Variants in SMAP1 observed in about 807,000 individuals in gnomAD.
The protein encoded by SMAP1 is stromal membrane-associated protein 1.
In SMAP1, 24 loss-of-function variants were observed where a neutral mutation model predicts 58.5. The observed-to-expected ratio is 0.41, with a 90% CI of 0.30 to 0.58. The LOEUF (loss-of-function observed/expected upper bound fraction) is 0.58. Ranked by LOEUF, SMAP1 falls within the 20% of genes least tolerant of loss-of-function variation. The probability of loss-of-function intolerance (pLI) is 0.29; values close to 1 mark genes in which losing one functional copy is unlikely to be tolerated. For synonymous variants in SMAP1, 216 were observed against 196.6 expected (o/e 1.10, Z -0.82); for missense variants, 563 against 566.3 (o/e 0.99, Z 0.06).
At position 70,676,582 on chromosome 6, in the gene SMAP1, A is replaced by G. The variant is rs117325913; in HGVS notation, c.118+8441A>G. On this transcript the variant is annotated intron_variant, in intron 1 of 10. Transcript: ENST00000370455. ...TTTTTGTTGTAGAAATTTGTGATGT[A>G]AGAGATTGTTGTTGGGAAGACTGTC... Among the ~76,000 whole-genome samples the G allele has an allele frequency of 3.6e-4, 55 of 152,256 alleles. No individual in the cohort carries two copies. The East Asian group carries it at 0.01, about 28-fold the overall frequency.
Position 70,793,190 on chromosome 6 carries a change from A to G in SMAP1, c.495+1421A>G, listed in dbSNP as rs570647255. Among the ~76,000 whole-genome samples, 3 of 152,142 alleles carry G rather than the reference A, an allele frequency of 2.0e-5. No individual in the cohort carries two copies. In the South Asian group the frequency reaches 6.2e-4, roughly 32 times the overall value. On this transcript the variant is annotated intron_variant, in intron 5 of 10. Transcript: ENST00000370455. ...GCTGGGACTACAGGTGCGCACCACCATGCCCAGCTAATTTTTGTATTTTTA... is the reference window on the plus strand; with the variant it reads ...GCTGGGACTACAGGTGCGCACCACCGTGCCCAGCTAATTTTTGTATTTTTA...
intron 7 of SMAP1, among the ~76,000 whole-genome samples, chr6:70,841,824 C>T (rs1770818207): frequency 6.6e-6 from 1 of 152,108 alleles, no homozygotes; most frequent in Non-Finnish European, 1.5e-5. Context: ...AGTATATAAC[C>T]CATTTTATTA....
chr6:70,846,686 G>C (rs545138968), intron 7 of SMAP1, among the ~76,000 whole-genome samples: 4 of 152,264 alleles, frequency 2.6e-5, no homozygotes, highest in Admixed American at 6.5e-5. Flanking sequence ...CTTGTGCCAA[G>C]TACTATGCCT....
At chr6:70,738,769 G>A (rs1039846784) in intron 2 of SMAP1, among the ~76,000 whole-genome samples, 1 of 151,950 alleles carries the variant, frequency 6.6e-6, no homozygotes, top group African/African-American at 2.4e-5. Context: ...AATATTTTAC[G>A]GTAGCTTAAA....
intron 1 of SMAP1, among the ~76,000 whole-genome samples, chr6:70,677,936 G>A (rs182445864): frequency 6.5e-4 from 99 of 152,248 alleles, no homozygotes; most frequent in African/African-American, 2.3e-3. Flanking sequence ...AGGTAGAACT[G>A]TGTTTAACTT....
chr6:70,679,806 C>T (rs996198982), intron 1 of SMAP1, among the ~76,000 whole-genome samples: 1 of 152,170 alleles, frequency 6.6e-6, no homozygotes, highest in Non-Finnish European at 1.5e-5. Flanking sequence ...TGTCAGTTCT[C>T]TCCAAATTAG....
At chr6:70,787,672 T>C (rs929123155) in intron 4 of SMAP1, among the ~76,000 whole-genome samples, 3 of 151,868 alleles carry the variant, frequency 2.0e-5, no homozygotes, top group Non-Finnish European at 1.5e-5. Context: ...AAGAAGACAT[T>C]TATGCAGCCA....
rs1231707302 is a variant in SMAP1, at chr6:70,861,690, G to A, written c.*1356G>A. 6.2e-7 allele frequency: 1 copy of A among 1,613,982 alleles called. No homozygotes were observed. The highest frequency in any genetic ancestry group is 8.5e-7 in the Non-Finnish European group (1 of 1,179,984). ...ATACCTCAATTTTCACTGTGTCCAG[G>A]TGGTACTTTGGCTCGTTGGCTAGAT... is the stretch of plus-strand genomic sequence containing the variant. On this transcript the variant is annotated 3_prime_UTR_variant, in exon 11 of 11. Transcript: ENST00000370455.
At chr6:70,737,721 A>G (rs1765670574) in intron 2 of SMAP1, among the ~76,000 whole-genome samples, 3 of 152,200 alleles carry the variant, frequency 2.0e-5, no homozygotes, top group Admixed American at 6.5e-5. Flanking sequence ...GGCATGCTGA[A>G]TCAGTCTTTG....
At chr6:70,765,754 T>C (rs750380171) in intron 3 of SMAP1, among the ~76,000 whole-genome samples, 2 of 152,122 alleles carry the variant, frequency 1.3e-5, no homozygotes, top group Non-Finnish European at 2.9e-5. Flanking sequence ...TTTATTTTAT[T>C]ATTATTTTAC....
At chr6:70,850,953 G>A (rs1582308277) in intron 7 of SMAP1, among the ~76,000 whole-genome samples, 1 of 152,196 alleles carries the variant, frequency 6.6e-6, no homozygotes, top group East Asian at 1.9e-4. Context: ...GTATTTTCAT[G>A]TATGAGTCTT....
At position 70,860,676 on chromosome 6, in the gene SMAP1, T is replaced by A; in HGVS notation, c.*342T>A. The A allele has an allele frequency of 7.2e-6, 3 of 415,796 alleles. No homozygotes were observed. 25.8% of individuals were successfully genotyped at this position (415,796 alleles called of 1,614,324 possible). A position where few individuals can be genotyped will look rare whatever the true frequency, so the allele number is the denominator to read the frequency against. On this transcript the variant is annotated 3_prime_UTR_variant, in exon 11 of 11. Transcript: ENST00000370455. ...AGGGAAGTAGTTATCATGTTAGTAA[T>A]ACCTCTAATAGTATAAACCCCACCC... is the stretch of plus-strand genomic sequence containing the variant.
chr6:70,689,485 C>G (rs1245933934), intron 1 of SMAP1, among the ~76,000 whole-genome samples: 1 of 152,128 alleles, frequency 6.6e-6, no homozygotes, highest in Non-Finnish European at 1.5e-5. Context: ...CTTAATAAGC[C>G]TGGAAGTAAG....
At chr6:70,676,546 T>G (rs1204208723) in intron 1 of SMAP1, among the ~76,000 whole-genome samples, 1 of 152,198 alleles carries the variant, frequency 6.6e-6, no homozygotes, top group East Asian at 1.9e-4. Flanking sequence ...GTATGATAGA[T>G]AAAACACCTG....
At chr6:70,741,285 T>G (rs1015006399) in intron 2 of SMAP1, among the ~76,000 whole-genome samples, 1 of 152,044 alleles carries the variant, frequency 6.6e-6, no homozygotes, top group African/African-American at 2.4e-5. Context: ...AAAAGCAAGG[T>G]AGTTACTTCC....
intron 3 of SMAP1, 82 bp from the exon 4 acceptor site, chr6:70,773,268 C>T (rs1204966552): frequency 2.5e-6 from 2 of 790,488 alleles, no homozygotes; most frequent in Admixed American, 2.9e-5. Context: ...AATTTAGAGT[C>T]CCAGCTTTGT....
Position 70,723,926 on chromosome 6 carries a change from ATT to A in SMAP1, c.119-8451_119-8450del, listed in dbSNP as rs570449705. On this transcript the variant is annotated intron_variant, in intron 1 of 10. Coordinates refer to ENST00000370455, the MANE Select transcript of SMAP1 (RefSeq NM_001044305.3). ...TTTTCTTTCAAAGGTTTTATTTTCT[ATT>A]ATGTTATTGGTTTGCTTGGTTCTAC... Among the ~76,000 whole-genome samples, 678 of 152,046 alleles carry A rather than the reference ATT, an allele frequency of 4.5e-3. 3 individuals are homozygous for A. Among genetic ancestry groups the A allele is most frequent in the South Asian group, 0.033 (156 of 4,798 alleles).
chr6:70,809,541 C>T (rs1322490883), intron 6 of SMAP1, among the ~76,000 whole-genome samples: 1 of 152,130 alleles, frequency 6.6e-6, no homozygotes, highest in African/African-American at 2.4e-5. Flanking sequence ...TTAAATGGCT[C>T]ATTGCCAGAT....
Position 70,821,841 on chromosome 6 carries a change from A to G in SMAP1, c.577-15100A>G, listed in dbSNP as rs190923279. Among the ~76,000 whole-genome samples the G allele has an allele frequency of 1.4e-3, 219 of 152,320 alleles. 1 individual carries two copies. The highest frequency in any genetic ancestry group is 3.9e-3 in the African/African-American group (162 of 41,590). On this transcript the variant is annotated intron_variant, in intron 6 of 10. Coordinates refer to ENST00000370455, the MANE Select transcript of SMAP1 (RefSeq NM_001044305.3). ...ATCAAAGTAACTGTGATGATAAAGAATGTGTAGGTTGTAGCAGAAAACCAT... is the reference window on the plus strand; with the variant it reads ...ATCAAAGTAACTGTGATGATAAAGAGTGTGTAGGTTGTAGCAGAAAACCAT...
Sources: allele counts gnomAD v4.1 joint callset (sites outside exome capture counted in the v4.1 genomes callset), GRCh38; gene constraint gnomAD v4.1.1; transcripts MANE v1.5; gene names NCBI Gene and HGNC (gene_info 2026-07-23, HGNC 2026-07-21).